Variants in COQ3 observed in about 807,000 individuals in gnomAD.
COQ3 encodes the protein coenzyme Q3, methyltransferase.
A neutral mutation model predicts 33.1 loss-of-function variants in COQ3; 29 were observed. The ratio of observed to expected loss-of-function variants is 0.88; its 90% CI spans 0.65 to 1.19. The LOEUF (loss-of-function observed/expected upper bound fraction) is 1.19. Ranked by LOEUF, COQ3 falls within the 50% of genes most tolerant of loss-of-function variation. The pLI is 0.00. For synonymous variants in COQ3, 173 were observed against 157.8 expected (o/e 1.10, Z -0.72); for missense variants, 437 against 430.7 (o/e 1.01, Z -0.13).
At chr6:99,389,943 G>A (rs377687978) in intron 1 of COQ3, among the ~76,000 whole-genome samples, 30 of 152,038 alleles carry the variant, frequency 2.0e-4, no homozygotes, top group Non-Finnish European at 2.9e-4. Context: ...GCATTAGCCC[G>A]TCTCTACTAA....
intron 1 of COQ3, among the ~76,000 whole-genome samples, chr6:99,393,370 A>AT (rs1381369196): frequency 1.3e-5 from 2 of 152,182 alleles, no homozygotes; most frequent in East Asian, 1.9e-4. Context: ...TAGATTCCCC[A>AT]TTTTTTTGTT....
Position 99,376,574 on chromosome 6 carries a change from T to A in COQ3, c.487-392A>T, listed in dbSNP as rs376471152. ...AATATTCAAATTTTCTAAAGAACAA[T>A]CTTTTCTCAAAAGTTTTTTTCTCTG... On this transcript the variant is annotated intron_variant, in intron 4 of 6. Transcript: ENST00000254759. Among the ~76,000 whole-genome samples, 27 of 152,360 alleles carry A rather than the reference T, an allele frequency of 1.8e-4. No individual in the cohort carries two copies. In the East Asian group the frequency reaches 3.5e-3, roughly 20 times the overall value.
chr6:99,384,747 C>A (rs754736996), intron 1 of COQ3, among the ~76,000 whole-genome samples: 65 of 152,084 alleles, frequency 4.3e-4, no homozygotes, highest in Admixed American at 1.0e-3. Flanking sequence ...AAAGAAAGTA[C>A]CAGAAACAAA....
intron 6 of COQ3, among the ~76,000 whole-genome samples, chr6:99,370,344 C>CTTTTTTTTTTTTTTTT: frequency 8.9e-5 from 9 of 101,250 alleles, no homozygotes; most frequent in South Asian, 3.4e-4. Flanking sequence ...CTTTTCTTTA[C>CTTTTTTTTTTTTTTTT]TTTTTTTTTT....
intron 3 of COQ3, among the ~76,000 whole-genome samples, chr6:99,379,785 G>A (rs187165273): frequency 6.2e-4 from 94 of 151,900 alleles, no homozygotes; most frequent in Non-Finnish European, 1.2e-3. Context: ...AAACCAGGAG[G>A]TGGAGGTTGG....
intron 1 of COQ3, among the ~76,000 whole-genome samples, chr6:99,392,969 CCTT>C (rs1774871759): frequency 6.6e-6 from 1 of 152,074 alleles, no homozygotes; most frequent in Non-Finnish European, 1.5e-5. Context: ...ATTAAATGCT[CCTT>C]CTATGTTCAC....
intron 1 of COQ3, among the ~76,000 whole-genome samples, chr6:99,385,035 C>T (rs776714362): frequency 6.6e-6 from 1 of 152,100 alleles, no homozygotes; most frequent in Non-Finnish European, 1.5e-5. Flanking sequence ...CACTGGAACC[C>T]GGGAGGCAGA....
chr6:99,370,338 TCTTTAC>T, intron 6 of COQ3, among the ~76,000 whole-genome samples: 2 of 135,060 alleles, frequency 1.5e-5, no homozygotes, highest in Middle Eastern at 3.8e-3. Context: ...TCTTTTCTTT[TCTTTAC>T]TTTTTTTTTT....
chr6:99,370,508 C>T (rs1417955170), intron 6 of COQ3, among the ~76,000 whole-genome samples: 1 of 151,824 alleles, frequency 6.6e-6, no homozygotes, highest in East Asian at 1.9e-4. Context: ...ACCACCACAC[C>T]CGGCTAATTT....
chr6:99,389,162 G>GC (rs964685652), intron 1 of COQ3, among the ~76,000 whole-genome samples: 2 of 152,002 alleles, frequency 1.3e-5, no homozygotes, highest in African/African-American at 4.8e-5. Flanking sequence ...TCACTCTGTC[G>GC]CCCAAATTGG....
In COQ3 at chr6:99,376,073, T is replaced by C. The variant is rs1562203237; in HGVS notation, c.596A>G (p.Glu199Gly). 6.2e-7 allele frequency: 1 copy of C among 1,614,180 alleles called. No homozygotes were observed. Among genetic ancestry groups the C allele is most frequent in the Non-Finnish European group, 8.5e-7 (1 of 1,180,014 alleles). The change falls in exon 5 of 7, where the codon GAG becomes GGG. Residue 199 changes from glutamate to glycine, a missense_variant. By Grantham distance (98) the Glu-to-Gly change is moderately conservative. Coordinates refer to ENST00000254759, the MANE Select transcript of COQ3 (RefSeq NM_017421.4). ...CTCTTCCAGGGAACACACTCTGTAC[T>C]CTATTCTCTTATCCAGGACTGGATC... ...SFDPVLDKRIEYRVCSLEEIV... is the reference protein window; with the variant it reads ...SFDPVLDKRIGYRVCSLEEIV...
rs757021187 is a variant in COQ3, at chr6:99,369,838, CA to C, written c.890-19del. 6.0e-6 allele frequency: 8 copies of C among 1,342,594 alleles called. No homozygotes were observed. The Admixed American group carries it at 1.6e-4, about 28-fold the overall frequency. The allele number at this position is 1,342,594 out of a possible 1,614,324, so 83.2% of individuals were successfully genotyped here. ...CAGACCATCTGAAAAAAAAAAAAATCAGAAAGAGTAGATTTAATAAATATTT... is the reference window on the plus strand; with the variant it reads ...CAGACCATCTGAAAAAAAAAAAAATCGAAAGAGTAGATTTAATAAATATTT... On this transcript the variant is annotated intron_variant, in intron 6 of 6. Transcript: ENST00000254759.
chr6:99,375,220 C>T (rs1476692773), intron 5 of COQ3, among the ~76,000 whole-genome samples: 5 of 151,710 alleles, frequency 3.3e-5, no homozygotes, highest in African/African-American at 7.3e-5. Context: ...CACCCGCCTC[C>T]GCCTCCCAAA....
intron 5 of COQ3, among the ~76,000 whole-genome samples, chr6:99,374,336 G>T (rs572358483): frequency 1.2e-3 from 186 of 152,184 alleles, no homozygotes; most frequent in African/African-American, 4.3e-3. Flanking sequence ...GCACCTGAGA[G>T]GGGCTGTCAC....
intron 1 of COQ3, among the ~76,000 whole-genome samples, chr6:99,386,149 G>A (rs1463859287): frequency 6.6e-6 from 1 of 152,004 alleles, no homozygotes; most frequent in Non-Finnish European, 1.5e-5. Context: ...ATAGAAATCA[G>A]CCGGGTGAGG....
intron 1 of COQ3, 66 bp downstream of exon 1, chr6:99,394,008 C>T: frequency 1.5e-6 from 2 of 1,369,570 alleles, no homozygotes; most frequent in Non-Finnish European, 2.1e-6. Context: ...CCACCCCCGG[C>T]GCATGCGCAG....
chr6:99,371,426 A>G lies in COQ3; in HGVS notation c.889+2T>C. Reference sequence around the variant, plus strand: ...ATTGGAAAAAATTCTCTTAATACTTACTTGATTCCAGAATGCTCTCTAGTG... The same window carrying G: ...ATTGGAAAAAATTCTCTTAATACTTGCTTGATTCCAGAATGCTCTCTAGTG... On this transcript the variant is annotated splice_donor_variant, in intron 6 of 6. Transcript: ENST00000254759. LOFTEE classifies it high-confidence loss of function. 1 of 1,576,048 alleles carries G rather than the reference A, an allele frequency of 6.3e-7. No individual in the cohort carries two copies. The highest frequency in any genetic ancestry group is 8.6e-7 in the Non-Finnish European group (1 of 1,167,878).
At chr6:99,385,976 CAAAAAAA>C (rs61403627) in intron 1 of COQ3, among the ~76,000 whole-genome samples, 1 of 97,744 alleles carries the variant, frequency 1.0e-5, no homozygotes, top group African/African-American at 4.1e-5. Flanking sequence ...GACTCTGTCT[CAAAAAAA>C]AAAAAAAAAA....
chr6:99,383,643 A>C, intron 2 of COQ3, 55 bp downstream of exon 2: 1 of 1,362,394 alleles, frequency 7.3e-7, no homozygotes, highest in Non-Finnish European at 1.0e-6. Flanking sequence ...AGATAATACT[A>C]AAAACCTATT....
Sources: gnomAD v4.1 joint callset for allele counts (sites outside exome capture counted in the v4.1 genomes callset) on GRCh38, gnomAD v4.1.1 for gene constraint, MANE v1.5 for transcripts, NCBI Gene and HGNC (gene_info 2026-07-23, HGNC 2026-07-21) for gene names.